The following SMG1 variants were observed in gnomAD, a reference collection of about 807,000 sequenced individuals.
SMG1 encodes serine/threonine-protein kinase SMG1.
In SMG1, 22 loss-of-function variants were observed where a neutral mutation model predicts 419.9. The observed-to-expected ratio is 0.05, with a 90% CI of 0.04 to 0.07. The LOEUF is 0.07. Ranked by LOEUF, SMG1 falls within the 10% of genes least tolerant of loss-of-function variation. The probability of loss-of-function intolerance (pLI) is 1.00; values close to 1 mark genes in which losing one functional copy is unlikely to be tolerated. For missense variants in SMG1, 3,185 were observed against 4,342.0 expected (o/e 0.73, Z 7.49); for synonymous variants, 1,538 against 1,553.5 (o/e 0.99, Z 0.23).
intron 6 of SMG1, among the ~76,000 whole-genome samples, chr16:18,888,936 C>T (rs1243009863): frequency 2.7e-5 from 4 of 150,852 alleles, no homozygotes; most frequent in Non-Finnish European, 4.4e-5. Context: ...CATTCTCCTG[C>T]CTCAGTCTCC....
In SMG1 at chr16:18,870,862, G is replaced by T. The variant is rs138302613; in HGVS notation, c.2329C>A (p.Leu777Met). 1.3e-6 allele frequency: 2 copies of T among 1,579,276 alleles called. No homozygotes were observed. Among genetic ancestry groups the T allele is most frequent in the African/African-American group, 2.7e-5 (2 of 74,408 alleles). ...NTLVEDVNIC[L>M]QACSSLHALS... Reference sequence around the variant, plus strand: ...GCATGTAGACTGCTGCATGCCTGCAGACAGATATTCACATCTTCAACGAGA... The same window carrying T: ...GCATGTAGACTGCTGCATGCCTGCATACAGATATTCACATCTTCAACGAGA... Residue 777 changes from leucine to methionine, a missense_variant, in exon 17 of 63, where the codon CTG (leucine) becomes ATG (methionine). This residue lies in a region of SMG1 where 297 missense variants were observed against 491.0 expected (regional missense o/e 0.60). Transcript: ENST00000446231.
At chr16:18,887,672 T>TTAA (rs1555502692) in intron 6 of SMG1, among the ~76,000 whole-genome samples, 4 of 65,688 alleles carry the variant, frequency 6.1e-5, no homozygotes, top group Non-Finnish European at 7.9e-5. Context: ...ACTTTTTATT[T>TTAA]AAAAAAAAAA....
rs1289844126 is a variant in SMG1, at chr16:18,807,320, G to A, written c.*2249C>T. Reference sequence around the variant, plus strand: ...AATGTTGCTGAAAGACTTTAATCTTGAGAGAGCAGAGGTAATGTGATGAAT... The same window carrying A: ...AATGTTGCTGAAAGACTTTAATCTTAAGAGAGCAGAGGTAATGTGATGAAT... On this transcript the variant is annotated 3_prime_UTR_variant, in exon 63 of 63. Coordinates refer to ENST00000446231, the MANE Select transcript of SMG1 (RefSeq NM_015092.5). 6.6e-6 allele frequency: 1 copy of A among 152,124 alleles called. No individual in the cohort carries two copies. Among genetic ancestry groups the A allele is most frequent in the African/African-American group, 2.4e-5 (1 of 41,412 alleles). The allele number at this position is 152,124 out of a possible 1,614,324, so 9.4% of individuals were successfully genotyped here. A position where few individuals can be genotyped will look rare whatever the true frequency, so the allele number is the denominator to read the frequency against.
chr16:18,924,079 TCTA>T (rs1182215193), intron 1 of SMG1, among the ~76,000 whole-genome samples: 1 of 152,180 alleles, frequency 6.6e-6, no homozygotes, highest in Non-Finnish European at 1.5e-5. Context: ...CACAGTATCG[TCTA>T]CCAAGGCGTT....
At chr16:18,898,985 C>T (rs976446358) in intron 1 of SMG1, among the ~76,000 whole-genome samples, 1 of 152,170 alleles carries the variant, frequency 6.6e-6, no homozygotes, top group Admixed American at 6.5e-5. Flanking sequence ...ACCTACCTAA[C>T]ATGCAAGGTT....
chr16:18,919,657 TACACACACACACACACACACACACACAC>T (rs368125844), intron 1 of SMG1, among the ~76,000 whole-genome samples: 2 of 125,748 alleles, frequency 1.6e-5, no homozygotes, highest in African/African-American at 3.1e-5. Context: ...TGTGTATATA[TACACACACACACACACACACACACACAC>T]ACACACACAC....
At chr16:18,837,956 G>T in intron 45 of SMG1, 58 bp downstream of exon 45, 1 of 1,536,804 alleles carries the variant, frequency 6.5e-7, no homozygotes, top group East Asian at 2.3e-5. Flanking sequence ...ATTTTGATGA[G>T]CATGTTTACT....
At chr16:18,846,330 T>C (rs1596509747) in intron 38 of SMG1, among the ~76,000 whole-genome samples, 1 of 152,278 alleles carries the variant, frequency 6.6e-6, no homozygotes, top group South Asian at 2.1e-4. Context: ...TGGCAATGAT[T>C]CCTTGGATAT....
At chr16:18,923,726 A>G (rs2038285585) in intron 1 of SMG1, among the ~76,000 whole-genome samples, 1 of 152,178 alleles carries the variant, frequency 6.6e-6, no homozygotes, top group Admixed American at 6.5e-5. Context: ...AAATTAATCA[A>G]AATTATTCAG....
Position 18,809,441 on chromosome 16 carries a change from A to T in SMG1, c.*128T>A, listed in dbSNP as rs1352817678. 42 of 693,620 alleles carry T rather than the reference A, an allele frequency of 6.1e-5. No homozygotes were observed. In the East Asian group the frequency reaches 1.1e-3, roughly 19 times the overall value. 43.0% of individuals were successfully genotyped at this position (693,620 alleles called of 1,614,324 possible). The stretch of plus-strand genomic sequence containing the variant: ...ACTTCCTAGTGCACCGAGATTTCCT[A>T]GGTTTCCTCAGAGTAAGCCCCCAGT... On this transcript the variant is annotated 3_prime_UTR_variant, in exon 63 of 63. Transcript: ENST00000446231.
rs758800662 is a variant in SMG1, at chr16:18,830,226, A to C, written c.8936T>G (p.Val2979Gly). Residue 2979 changes from valine (V) to glycine (G), a missense_variant, in exon 52 of 63, where the codon GTT (valine) becomes GGT (glycine). By Grantham distance (109) the Val-to-Gly change is moderately radical (BLOSUM62 -3). Transcript: ENST00000446231. ...ATCCAAGTCCACATTTACCTTTTCA[A>C]CTAATAAGCTGAAAGCAGTTTCAAC... ...AQVETAFSLL[V>G]EKLNKMEIPI... 6.2e-7 allele frequency: 1 copy of C among 1,613,792 alleles called. No individual in the cohort carries two copies. The highest frequency in any genetic ancestry group is 8.5e-7 in the Non-Finnish European group (1 of 1,179,798).
chr16:18,866,332 A>AG (rs2035503331), intron 23 of SMG1: 1 of 448,612 alleles, frequency 2.2e-6, no homozygotes, highest in African/African-American at 2.0e-5. Flanking sequence ...TCAGACTCTG[A>AG]GGGGGAAGGA....
At position 18,835,133 on chromosome 16, in the gene SMG1, G is replaced by T. The variant is rs768652566; in HGVS notation, c.8089C>A (p.Pro2697Thr). The change falls in exon 49 of 63, where the codon CCA becomes ACA. Residue 2697 changes from proline (P) to threonine (T), a missense_variant. Pro to Thr is a conservative substitution (Grantham distance 38, BLOSUM62 -1). This residue lies in a region of SMG1 where 412 missense variants were observed against 546.6 expected (regional missense o/e 0.75). Transcript: ENST00000446231. ...YEMQYAPQPP[P>T]TVCQFITATE... is the part of the protein sequence containing the mutation. ...GCAGTGATGAACTGACACACTGTTG[G>T]GGGTGGCTGGGGAGCATATTGCATT... 3 of 1,612,292 alleles carry T rather than the reference G, an allele frequency of 1.9e-6. No homozygotes were observed. The Admixed American group carries it at 5.0e-5, about 27-fold the overall frequency.
intron 25 of SMG1, among the ~76,000 whole-genome samples, chr16:18,862,141 A>G (rs2035251241): frequency 6.6e-6 from 1 of 152,122 alleles, no homozygotes; most frequent in Admixed American, 6.6e-5. Flanking sequence ...ATAGTATTCA[A>G]TCTAGCTGCT....
intron 1 of SMG1, 162 bp downstream of exon 1, chr16:18,925,788 G>C (rs977160689): frequency 2.0e-6 from 1 of 499,232 alleles, no homozygotes; most frequent in Non-Finnish European, 3.4e-6. Flanking sequence ...GCCTCCCCGC[G>C]GCCTTCCTCC....
chr16:18,834,258 G>A lies in SMG1; in HGVS notation c.8511C>T (p.Pro2837=), dbSNP rs1455389474. ...LVPQDLDIPN[P]MEASETVHLA... ...AGTGAACTGTCTCAGACGCTTCCAT[G>A]GGGTTCGGGATATCTAAGTCCTGTG... Residue 2837 remains proline, a synonymous_variant, in exon 50 of 63, where the codon CCC becomes CCT. Transcript: ENST00000446231. The A allele has an allele frequency of 5.6e-6, 9 of 1,609,944 alleles. No homozygotes were observed. Among genetic ancestry groups the A allele is most frequent in the Non-Finnish European group, 7.6e-6 (9 of 1,178,178 alleles).
intron 1 of SMG1, among the ~76,000 whole-genome samples, chr16:18,897,204 AACT>A (rs1427603174): frequency 8.5e-5 from 13 of 152,206 alleles, no homozygotes; most frequent in Non-Finnish European, 1.5e-5. Context: ...AAATATGAAC[AACT>A]ACTGGGATTA....
chr16:18,816,327 T>C lies in SMG1; in HGVS notation c.10277A>G (p.Lys3426Arg), dbSNP rs1181126550. 6 of 1,613,540 alleles carry C rather than the reference T, an allele frequency of 3.7e-6. No individual in the cohort carries two copies. The highest frequency in any genetic ancestry group is 5.1e-6 in the Non-Finnish European group (6 of 1,179,598). The part of the protein sequence containing the change: ...TGHNRQLGDV[K>R]HLLKAMAKDE... ...CTTAGCCATAGCTTTCAAGAGATGT[T>C]TGACATCTCCAAGCTGTCGGTTATG... is the stretch of plus-strand genomic sequence containing the variant. Residue 3426 changes from lysine to arginine, a missense_variant, in exon 58 of 63, where the codon AAA becomes AGA. Physicochemically the swap from Lys to Arg is conservative, Grantham distance 26 (BLOSUM62 2). This residue lies in a region of SMG1 where 737 missense variants were observed against 846.6 expected (regional missense o/e 0.87). Transcript: ENST00000446231.
intron 6 of SMG1, 37 bp from the exon 7 acceptor site, chr16:18,885,703 C>T (rs2036582074): frequency 6.3e-7 from 1 of 1,588,402 alleles, no homozygotes; most frequent in African/African-American, 1.3e-5. Context: ...GAACATTCAA[C>T]AAAATAGGGA....
Sources: allele counts gnomAD v4.1 joint callset (sites outside exome capture counted in the v4.1 genomes callset), GRCh38; gene constraint gnomAD v4.1.1; regional missense constraint gnomAD v4.1.1; transcripts MANE v1.5; gene names NCBI Gene and HGNC (gene_info 2026-07-23, HGNC 2026-07-21).